PDGFD: variants seen among roughly 807,000 people sequenced by gnomAD.
The protein encoded by PDGFD is platelet derived growth factor D, also known as platelet-derived growth factor D.
PDGFD carries 30 observed loss-of-function variants against 44.7 expected under a neutral mutation model. The observed-to-expected ratio is 0.67, with a 90% CI of 0.50 to 0.91. PDGFD has a LOEUF of 0.91. Among genes scored for constraint, PDGFD ranks in the 40% least tolerant of loss-of-function variants. PDGFD has a pLI of 0.00. For missense variants in PDGFD, 445 were observed against 457.8 expected (o/e 0.97, Z 0.25); for synonymous variants, 173 against 168.4 (o/e 1.03, Z -0.21).
chr11:103,919,146 C>T (rs150427990), intron 6 of PDGFD, among the ~76,000 whole-genome samples: 23 of 152,278 alleles, frequency 1.5e-4, no homozygotes, highest in African/African-American at 5.1e-4. Flanking sequence ...GGAAACTTGA[C>T]GTCTACTAAA....
chr11:104,116,074 T>A (rs555191675), intron 1 of PDGFD, among the ~76,000 whole-genome samples: 1 of 152,222 alleles, frequency 6.6e-6, no homozygotes, highest in South Asian at 2.1e-4. Flanking sequence ...TTATTGCAAT[T>A]GCTTTTGGGT....
At position 104,048,063 on chromosome 11, in the gene PDGFD, A is replaced by G. The variant is rs575218711; in HGVS notation, c.125-47808T>C. On this transcript the variant is annotated intron_variant, in intron 1 of 6. Coordinates refer to ENST00000393158, the MANE Select transcript of PDGFD (RefSeq NM_025208.5). ...AGAACTATAGAGATTCCTGGATGCC[A>G]TATTTAACATCTCATCAATGACAAG... Among the ~76,000 whole-genome samples, 15 of 152,288 alleles carry G rather than the reference A, an allele frequency of 9.8e-5. No homozygotes were observed. In the South Asian group the frequency reaches 2.9e-3, roughly 29 times the overall value.
chr11:103,964,356 T>C (rs891176076), intron 3 of PDGFD, among the ~76,000 whole-genome samples: 1 of 152,150 alleles, frequency 6.6e-6, no homozygotes, highest in African/African-American at 2.4e-5. Flanking sequence ...TATAAGTCAC[T>C]GACATTTCAG....
intron 1 of PDGFD, among the ~76,000 whole-genome samples, chr11:104,147,554 T>C (rs1030859321): frequency 6.6e-6 from 1 of 152,158 alleles, no homozygotes; most frequent in African/African-American, 2.4e-5. Context: ...ATTAATCACA[T>C]TTAAATTCTA....
chr11:103,926,954 G>A lies in PDGFD; in HGVS notation c.945C>T (p.Ser315=), dbSNP rs1422902536. The A allele has an allele frequency of 5.0e-6, 8 of 1,614,048 alleles. No homozygotes were observed. Among genetic ancestry groups the A allele is most frequent in the Non-Finnish European group, 8.5e-7 (1 of 1,180,030 alleles). ...NCGCGTVNWR[S]CTCNSGKTVK... ...CGGTTTTCCCTGAATTGCATGTGCA[G>A]GACCTCCAGTTGACAGTTCCACAGC... Residue 315 remains serine, a synonymous_variant, in exon 6 of 7, where the codon TCC becomes TCT. Coordinates refer to ENST00000393158, the MANE Select transcript of PDGFD (RefSeq NM_025208.5).
chr11:103,910,483 G>A (rs1192113214), intron 6 of PDGFD, among the ~76,000 whole-genome samples: 7 of 152,174 alleles, frequency 4.6e-5, no homozygotes, highest in African/African-American at 1.4e-4. Flanking sequence ...CCTCAGCCGC[G>A]AAGTGCAAGG....
intron 3 of PDGFD, among the ~76,000 whole-genome samples, chr11:103,986,906 G>C (rs911013601): frequency 2.6e-5 from 4 of 152,134 alleles, no homozygotes; most frequent in African/African-American, 4.8e-5. Flanking sequence ...ATATTTTGCA[G>C]AACCTGCACT....
At chr11:104,113,169 T>C (rs1364035830) in intron 1 of PDGFD, among the ~76,000 whole-genome samples, 1 of 152,150 alleles carries the variant, frequency 6.6e-6, no homozygotes, top group Non-Finnish European at 1.5e-5. Context: ...AAAGATTACA[T>C]AACTTCCTCA....
chr11:104,049,160 T>C (rs1429611926), intron 1 of PDGFD, among the ~76,000 whole-genome samples: 4 of 152,176 alleles, frequency 2.6e-5, no homozygotes, highest in Non-Finnish European at 4.4e-5. Context: ...ATATCTTCTA[T>C]GAATAAGGAT....
intron 1 of PDGFD, among the ~76,000 whole-genome samples, chr11:104,118,778 A>ATTATT (rs1384487138): frequency 1.3e-5 from 1 of 75,654 alleles, no homozygotes; most frequent in African/African-American, 5.3e-5. Context: ...ATTAATATAT[A>ATTATT]ATATATTATA....
chr11:103,990,229 A>G (rs1041975733), intron 3 of PDGFD, among the ~76,000 whole-genome samples: 2 of 152,162 alleles, frequency 1.3e-5, no homozygotes, highest in African/African-American at 4.8e-5. Context: ...CACCAAGAAA[A>G]TCATCACTCC....
intron 1 of PDGFD, among the ~76,000 whole-genome samples, chr11:104,146,765 T>C (rs1007438256): frequency 6.6e-6 from 1 of 152,050 alleles, no homozygotes; most frequent in Non-Finnish European, 1.5e-5. Flanking sequence ...CTGGAGTTCA[T>C]TCAATCATTC....
At chr11:104,016,618 C>T (rs561895692) in intron 1 of PDGFD, among the ~76,000 whole-genome samples, 1 of 152,272 alleles carries the variant, frequency 6.6e-6, no homozygotes, top group South Asian at 2.1e-4. Flanking sequence ...AAACAATGAG[C>T]AGTAATTAGC....
chr11:104,063,707 GGAGA>G (rs1004407818), intron 1 of PDGFD, among the ~76,000 whole-genome samples: 10 of 152,256 alleles, frequency 6.6e-5, no homozygotes, highest in Admixed American at 6.5e-4. Flanking sequence ...TGGCAGCACG[GGAGA>G]GAGAATGATG....
chr11:104,144,110 T>C (rs973036453), intron 1 of PDGFD, among the ~76,000 whole-genome samples: 4 of 152,148 alleles, frequency 2.6e-5, no homozygotes, highest in African/African-American at 9.7e-5. Flanking sequence ...GACTTGAAGG[T>C]ACTCCATCAA....
At chr11:104,143,249 A>G (rs1397515198) in intron 1 of PDGFD, among the ~76,000 whole-genome samples, 1 of 152,126 alleles carries the variant, frequency 6.6e-6, no homozygotes, top group Non-Finnish European at 1.5e-5. Context: ...TCTATAAGAA[A>G]CTGTCTGCTG....
intron 1 of PDGFD, among the ~76,000 whole-genome samples, chr11:104,104,628 T>A (rs1861446613): frequency 6.6e-6 from 1 of 152,142 alleles, no homozygotes; most frequent in African/African-American, 2.4e-5. Flanking sequence ...ATCTATAGCT[T>A]AGGCATGTAG....
intron 1 of PDGFD, among the ~76,000 whole-genome samples, chr11:104,146,520 A>G (rs1464924213): frequency 6.6e-6 from 1 of 152,212 alleles, no homozygotes; most frequent in Non-Finnish European, 1.5e-5. Context: ...AGGGATCTCA[A>G]TTCCAGGGAA....
At chr11:103,929,745 G>A (rs560862511) in intron 5 of PDGFD, among the ~76,000 whole-genome samples, 8 of 152,292 alleles carry the variant, frequency 5.3e-5, no homozygotes, top group Admixed American at 2.6e-4. Flanking sequence ...ACTTCAAAGC[G>A]TGATTGCAGA....
Sources: allele counts gnomAD v4.1 joint callset (sites outside exome capture counted in the v4.1 genomes callset), GRCh38; gene constraint gnomAD v4.1.1; transcripts MANE v1.5; gene names NCBI Gene and HGNC (gene_info 2026-07-23, HGNC 2026-07-21).